TEX9: variants seen among roughly 807,000 people sequenced by gnomAD.
The protein encoded by TEX9 is testis-expressed protein 9.
TEX9 carries 74 observed loss-of-function variants against 59.6 expected under a neutral mutation model. The ratio of observed to expected loss-of-function variants is 1.24; its 90% CI spans 1.03 to 1.51. The LOEUF is 1.51. Among genes scored for constraint, TEX9 ranks in the 40% most tolerant of loss-of-function variants. The pLI is 0.00. For synonymous variants in TEX9, 186 were observed against 152.2 expected, an observed-to-expected ratio of 1.22 and a Z score of -1.64; for missense variants, 522 against 447.8, an observed-to-expected ratio of 1.17 and a Z score of -1.49.
chr15:56,416,874 C>A (rs527608919), intron 10 of TEX9, among the ~76,000 whole-genome samples: 2 of 151,702 alleles, frequency 1.3e-5, no homozygotes, highest in Admixed American at 1.3e-4. Flanking sequence ...ATTACTGATT[C>A]AGTTTTGGAG....
chr15:56,289,716 A>G (rs1241068308), intron 1 of TEX9, among the ~76,000 whole-genome samples: 2 of 152,060 alleles, frequency 1.3e-5, no homozygotes, highest in African/African-American at 4.8e-5. Context: ...CTGGTGACTG[A>G]TGAGTGACCC....
At chr15:56,384,553 A>G (rs2047878385) in intron 4 of TEX9, among the ~76,000 whole-genome samples, 1 of 152,170 alleles carries the variant, frequency 6.6e-6, no homozygotes, top group African/African-American at 2.4e-5. Flanking sequence ...CTACTGCTGC[A>G]TTGAATGGGT....
the TEX9 span, among the ~76,000 whole-genome samples, chr15:56,451,710 T>G: frequency 3.3e-4 from 38 of 114,400 alleles, no homozygotes; most frequent in Non-Finnish European, 7.4e-4. Context: ...GCATTCACAG[T>G]AGGTTCCTCA....
chr15:56,253,423 CG>C (rs1193622657), intron 1 of TEX9, among the ~76,000 whole-genome samples: 3 of 152,054 alleles, frequency 2.0e-5, no homozygotes, highest in African/African-American at 4.8e-5. Context: ...GGAGAAAGAA[CG>C]GAAGGTCTTC....
At chr15:56,390,894 T>C (rs1173958496) in intron 6 of TEX9, among the ~76,000 whole-genome samples, 1 of 152,070 alleles carries the variant, frequency 6.6e-6, no homozygotes, top group Non-Finnish European at 1.5e-5. Context: ...GCAATACTCT[T>C]AGTTTTGGTA....
chr15:56,367,902 ACT>A (rs1210347978), intron 2 of TEX9, among the ~76,000 whole-genome samples: 3 of 151,894 alleles, frequency 2.0e-5, no homozygotes, highest in African/African-American at 7.3e-5. Flanking sequence ...GTCCTGCTGA[ACT>A]CTCTTATTCA....
chr15:56,266,843 G>T (rs926140833), intron 1 of TEX9, among the ~76,000 whole-genome samples: 4 of 152,212 alleles, frequency 2.6e-5, no homozygotes, highest in African/African-American at 7.2e-5. Flanking sequence ...TATATACCCA[G>T]TAATGGATGG....
chr15:56,315,395 C>G (rs1319609729), intron 1 of TEX9, among the ~76,000 whole-genome samples: 3 of 148,582 alleles, frequency 2.0e-5, no homozygotes, highest in African/African-American at 7.3e-5. Context: ...TATTTTATTT[C>G]TCCTTCACTT....
At chr15:56,356,380 T>G (rs1164216881) in intron 1 of TEX9, among the ~76,000 whole-genome samples, 3 of 152,156 alleles carry the variant, frequency 2.0e-5, no homozygotes, top group Non-Finnish European at 4.4e-5. Flanking sequence ...GACATTATTA[T>G]TAGTAGGACC....
chr15:56,320,177 C>T (rs1393725734), intron 1 of TEX9, among the ~76,000 whole-genome samples: 3 of 152,170 alleles, frequency 2.0e-5, no homozygotes, highest in Non-Finnish European at 4.4e-5. Context: ...GTGCTCACTT[C>T]CACTGCAATG....
At chr15:56,355,869 T>C (rs1289995996) in intron 1 of TEX9, among the ~76,000 whole-genome samples, 16 of 152,124 alleles carry the variant, frequency 1.1e-4, no homozygotes, top group Admixed American at 8.5e-4. Flanking sequence ...TTCATACTAA[T>C]TATGAACATA....
chr15:56,345,215 G>T (rs1019930998), intron 1 of TEX9, among the ~76,000 whole-genome samples: 2 of 151,746 alleles, frequency 1.3e-5, no homozygotes, highest in African/African-American at 4.8e-5. Context: ...ATAGAAATTG[G>T]GGGTGGGGAA....
rs1380984519 is a variant in TEX9, at chr15:56,373,505, G to T, written c.183+1G>T. On this transcript the variant is annotated splice_donor_variant, in intron 3 of 12. Coordinates refer to ENST00000352903, the Ensembl canonical transcript of TEX9. LOFTEE classifies it high-confidence loss of function. The stretch of plus-strand genomic sequence containing the variant: ...GGTTCAACAAGCTAAGGAAATAATA[G>T]TAAGTATATGTACAATTATTAATAA... The T allele has an allele frequency of 1.9e-6, 3 of 1,559,318 alleles. No individual in the cohort carries two copies. In the African/African-American group the frequency reaches 4.2e-5, roughly 22 times the overall value.
At chr15:56,365,703 TTC>T in intron 2 of TEX9, 33 bp downstream of exon 2, 1 of 1,613,540 alleles carries the variant, frequency 6.2e-7, no homozygotes, top group East Asian at 2.2e-5. Flanking sequence ...TTTTCCTTCT[TTC>T]TTTCATCTGA....
At chr15:56,340,707 A>T (rs1352187510) in intron 1 of TEX9, among the ~76,000 whole-genome samples, 1 of 152,134 alleles carries the variant, frequency 6.6e-6, no homozygotes, top group Non-Finnish European at 1.5e-5. Context: ...GAACTCCTGC[A>T]GCTCATTTGT....
the TEX9 span, among the ~76,000 whole-genome samples, chr15:56,451,259 A>C: frequency 6.6e-6 from 1 of 152,200 alleles, no homozygotes; most frequent in Non-Finnish European, 1.5e-5. Flanking sequence ...ATTTGTGAAT[A>C]AGATCTGCTC....
At chr15:56,442,460 T>A (rs2050832607) in intron 12 of TEX9, among the ~76,000 whole-genome samples, 1 of 152,186 alleles carries the variant, frequency 6.6e-6, no homozygotes, top group Admixed American at 6.5e-5. Flanking sequence ...GCAGCACTAT[T>A]CACAATGGCA....
At chr15:56,437,825 G>C in intron 12 of TEX9, among the ~76,000 whole-genome samples, 1 of 152,042 alleles carries the variant, frequency 6.6e-6, no homozygotes. Flanking sequence ...ACCAATAACA[G>C]ACAGACAGAG....
At chr15:56,267,018 C>G (rs2044401977) in intron 1 of TEX9, among the ~76,000 whole-genome samples, 1 of 152,156 alleles carries the variant, frequency 6.6e-6, no homozygotes, top group Non-Finnish European at 1.5e-5. Context: ...GATTGCCATT[C>G]TAACTGGTGT....
Sources: gnomAD v4.1 joint callset for allele counts (sites outside exome capture counted in the v4.1 genomes callset) on GRCh38, gnomAD v4.1.1 for gene constraint, MANE v1.5 for transcripts, NCBI Gene and HGNC (gene_info 2026-07-23, HGNC 2026-07-21) for gene names.